The following AVEN variants were observed in gnomAD, a reference collection of about 807,000 sequenced individuals.
The protein encoded by AVEN is cell death regulator Aven.
Under a neutral mutation model 38.1 loss-of-function variants are expected in AVEN, and 41 were observed. The observed-to-expected ratio is 1.08, with a 90% CI of 0.84 to 1.40. The LOEUF (loss-of-function observed/expected upper bound fraction) is 1.40, where lower values mean the gene tolerates loss of function less well. Among genes scored for constraint, AVEN ranks in the 40% most tolerant of loss-of-function variants. The pLI is 0.00. For synonymous variants in AVEN, 206 were observed against 171.8 expected (o/e 1.20, Z -1.56); for missense variants, 605 against 438.8 (o/e 1.38, Z -3.38).
chr15:33,914,183 T>C (rs1893028925), intron 2 of AVEN, among the ~76,000 whole-genome samples: 1 of 151,332 alleles, frequency 6.6e-6, no homozygotes, highest in Non-Finnish European at 1.5e-5. Context: ...AGCTATGAGC[T>C]CTTTTACAGT....
At chr15:33,864,060 GC>G, downstream of AVEN, 1 of 1,086,010 alleles carries the variant, frequency 9.2e-7, no homozygotes. Flanking sequence ...GCCTTTCTGA[GC>G]CCTGATCACA....
intron 2 of AVEN, among the ~76,000 whole-genome samples, chr15:33,937,515 A>C (rs988325203): frequency 6.8e-6 from 1 of 148,030 alleles, no homozygotes; most frequent in African/African-American, 2.4e-5. Context: ...CCTGGGCGAC[A>C]GAGCGAGACT....
chr15:34,023,538 A>G (rs1458842992), intron 1 of AVEN, among the ~76,000 whole-genome samples: 1 of 152,052 alleles, frequency 6.6e-6, no homozygotes, highest in African/African-American at 2.4e-5. Flanking sequence ...TTCTTGCAAA[A>G]CCTGAGATTC....
intron 2 of AVEN, chr15:33,968,794 AG>A (rs1245509466): frequency 1.5e-4 from 23 of 152,104 alleles, no homozygotes; most frequent in Admixed American, 1.3e-3. Context: ...GAACTTTTCC[AG>A]GGGGTCAAAT....
chr15:33,869,887 C>T (rs1890861644), intron 4 of AVEN, among the ~76,000 whole-genome samples: 2 of 151,072 alleles, frequency 1.3e-5, no homozygotes, highest in Admixed American at 1.3e-4. Context: ...ATCTTTGGGC[C>T]TCCCCCTCTC....
chr15:33,997,334 C>T (rs1351726843), intron 2 of AVEN, among the ~76,000 whole-genome samples: 1 of 151,852 alleles, frequency 6.6e-6, no homozygotes, highest in Non-Finnish European at 1.5e-5. Context: ...CAATAAGAAA[C>T]AAAATAGCCA....
chr15:33,868,379 CAAACAAA>C (rs1392041551), intron 4 of AVEN, among the ~76,000 whole-genome samples: 4 of 148,358 alleles, frequency 2.7e-5, no homozygotes, highest in Non-Finnish European at 4.4e-5. Context: ...AACAAACAAA[CAAACAAA>C]AAACAAAAAA....
At chr15:33,891,041 G>A (rs367583422) in intron 2 of AVEN, among the ~76,000 whole-genome samples, 40 of 150,678 alleles carry the variant, frequency 2.7e-4, no homozygotes, top group Middle Eastern at 3.4e-3. Context: ...GCCAGGGGGC[G>A]AAGGTTGCAG....
intron 1 of AVEN, among the ~76,000 whole-genome samples, chr15:34,014,387 A>G (rs1897782838): frequency 8.3e-6 from 1 of 120,656 alleles, no homozygotes; most frequent in African/African-American, 2.9e-5. Flanking sequence ...AAAAAAAACA[A>G]AAACAAAAAC....
At position 33,902,538 on chromosome 15, in the gene AVEN, C is replaced by A. The variant is rs563025735; in HGVS notation, c.446-26543G>T. Among the ~76,000 whole-genome samples the A allele has an allele frequency of 1.0e-3, 155 of 152,214 alleles. 1 individual carries two copies. Among genetic ancestry groups the A allele is most frequent in the African/African-American group, 3.5e-3 (145 of 41,522 alleles). ...AAGATCCAGTACAAGGCAGGGATGC[C>A]CATTTCTATTCAACATAGTACTGGA... is the stretch of plus-strand genomic sequence containing the variant. On this transcript the variant is annotated intron_variant, in intron 2 of 5. Transcript: ENST00000306730.
chr15:33,916,427 C>T (rs1298457885), intron 2 of AVEN, among the ~76,000 whole-genome samples: 1 of 152,078 alleles, frequency 6.6e-6, no homozygotes, highest in Non-Finnish European at 1.5e-5. Flanking sequence ...GGAAAATCTT[C>T]GCAATCTATG....
chr15:33,967,606 T>C (rs921515210), intron 2 of AVEN, among the ~76,000 whole-genome samples: 1 of 151,986 alleles, frequency 6.6e-6, no homozygotes, highest in Non-Finnish European at 1.5e-5. Context: ...TCCATAATAA[T>C]TTTTTAAAAT....
chr15:33,880,564 C>A (rs1203606972), intron 2 of AVEN, among the ~76,000 whole-genome samples: 1 of 152,134 alleles, frequency 6.6e-6, no homozygotes, highest in Non-Finnish European at 1.5e-5. Context: ...AGTCTGAGGT[C>A]CAGCTGTGAG....
chr15:33,912,954 A>C (rs1224057761), intron 2 of AVEN, among the ~76,000 whole-genome samples: 2 of 149,970 alleles, frequency 1.3e-5, no homozygotes, highest in African/African-American at 4.9e-5. Flanking sequence ...CAATGGCGCG[A>C]TCTCGGCTCA....
chr15:33,855,220 C>T (rs920042324), downstream of AVEN, among the ~76,000 whole-genome samples: 4 of 149,866 alleles, frequency 2.7e-5, no homozygotes, highest in African/African-American at 7.3e-5. Flanking sequence ...TTTTTTGTGA[C>T]GGTGTCTCGC....
chr15:34,008,413 G>A (rs1312599129), intron 1 of AVEN, among the ~76,000 whole-genome samples: 2 of 149,260 alleles, frequency 1.3e-5, no homozygotes, highest in African/African-American at 5.0e-5. Context: ...GAGCAAGACC[G>A]TGTCTCTTAA....
chr15:33,982,110 A>G (rs12438682), intron 2 of AVEN, among the ~76,000 whole-genome samples: 39,855 of 150,972 alleles, frequency 0.26, 7,240 homozygotes, highest in African/African-American at 0.5. Flanking sequence ...CAGATGATCC[A>G]CCCGCCTCAG....
chr15:33,935,324 T>A (rs1228778933), intron 2 of AVEN, among the ~76,000 whole-genome samples: 1 of 152,226 alleles, frequency 6.6e-6, no homozygotes, highest in East Asian at 1.9e-4. Flanking sequence ...AAGATGTATA[T>A]ACATGTGTAT....
At chr15:33,907,512 G>A (rs557368329) in intron 2 of AVEN, among the ~76,000 whole-genome samples, 1 of 152,242 alleles carries the variant, frequency 6.6e-6, no homozygotes, top group East Asian at 1.9e-4. Flanking sequence ...TTGTTGCTAA[G>A]TCAGCTCATC....
Sources: allele counts gnomAD v4.1 joint callset (sites outside exome capture counted in the v4.1 genomes callset), GRCh38; gene constraint gnomAD v4.1.1; transcripts MANE v1.5; gene names NCBI Gene and HGNC (gene_info 2026-07-23, HGNC 2026-07-21).